The following KMT2C variants were observed in gnomAD, a reference collection of about 807,000 sequenced individuals.
The protein encoded by KMT2C is histone-lysine N-methyltransferase 2C.
KMT2C carries 88 observed loss-of-function variants against 507.9 expected under a neutral mutation model. The observed-to-expected ratio is 0.17, with a 90% CI of 0.15 to 0.21. The LOEUF (loss-of-function observed/expected upper bound fraction) is 0.21. Ranked by LOEUF, KMT2C falls within the 10% of genes least tolerant of loss-of-function variation. The probability of loss-of-function intolerance (pLI) is 1.00; values close to 1 mark genes in which losing one functional copy is unlikely to be tolerated. For missense variants in KMT2C, 4,954 were observed against 5,957.8 expected (o/e 0.83, Z 5.55); for synonymous variants, 2,049 against 2,080.8 (o/e 0.98, Z 0.42).
intron 24 of KMT2C, among the ~76,000 whole-genome samples, chr7:152,206,033 A>C (rs1235519787): frequency 6.6e-6 from 1 of 152,226 alleles, no homozygotes; most frequent in Non-Finnish European, 1.5e-5. Context: ...ATCTGGAGTC[A>C]GACTATGTAA....
At chr7:152,303,697 G>A (rs927829935) in intron 6 of KMT2C, among the ~76,000 whole-genome samples, 1 of 152,136 alleles carries the variant, frequency 6.6e-6, no homozygotes, top group Non-Finnish European at 1.5e-5. Flanking sequence ...ACATAAAGGA[G>A]ATATGCATGG....
At position 152,163,618 on chromosome 7, in the gene KMT2C, A is replaced by G. The variant is rs747442211; in HGVS notation, c.9959T>C (p.Ile3320Thr). The G allele has an allele frequency of 3.1e-6, 5 of 1,608,614 alleles. No homozygotes were observed. Among genetic ancestry groups the G allele is most frequent in the Non-Finnish European group, 4.2e-6 (5 of 1,176,758 alleles). ...TCTAACAGGGCTAGTATGGCCAGAAATAACTGTTGTGTGCTGCTGGTGCTG... is the reference window on the plus strand; with the variant it reads ...TCTAACAGGGCTAGTATGGCCAGAAGTAACTGTTGTGTGCTGCTGGTGCTG... ...QLQHQQHTTV[I>T]SGHTSPVRMP... Residue 3320 changes from isoleucine to threonine, a missense_variant, in exon 43 of 59, where the codon ATT (isoleucine) becomes ACT (threonine). This residue lies in a region of KMT2C where 801 missense variants were observed against 751.2 expected (regional missense o/e 1.07). Transcript: ENST00000262189.
chr7:152,187,133 G>A (rs1036964768), intron 33 of KMT2C, 129 bp downstream of exon 33: 2 of 683,928 alleles, frequency 2.9e-6, no homozygotes, highest in Middle Eastern at 4.0e-4. Context: ...GACATCTAGG[G>A]AATCTTCATG....
At chr7:152,339,446 C>G (rs1240258913) in intron 2 of KMT2C, among the ~76,000 whole-genome samples, 1 of 152,098 alleles carries the variant, frequency 6.6e-6, no homozygotes, top group Admixed American at 6.5e-5. Flanking sequence ...TTCAAAATTA[C>G]AGTAGTTATT....
rs1253990066 is a variant in KMT2C at position 152,176,672 on chromosome 7, A to G, written c.8781T>C (p.Ser2927=). 3 of 1,614,230 alleles carry G rather than the reference A, an allele frequency of 1.9e-6. No homozygotes were observed. The highest frequency in any genetic ancestry group is 2.5e-6 in the Non-Finnish European group (3 of 1,180,048). ...VLSSLLANEK[S]DNSDIRPSGS... Reference sequence around the variant, plus strand: ...CCGATGGCCTAATGTCTGAATTATCAGATTTCTCATTAGCAAGTAAACTTG... The same window carrying G: ...CCGATGGCCTAATGTCTGAATTATCGGATTTCTCATTAGCAAGTAAACTTG... Residue 2927 remains serine (S), a synonymous_variant, in exon 38 of 59, where the codon TCT becomes TCC. Coordinates refer to ENST00000262189, the MANE Select transcript of KMT2C (RefSeq NM_170606.3).
chr7:152,273,977 T>A, intron 6 of KMT2C, 110 bp from the exon 7 acceptor site: 2 of 996,060 alleles, frequency 2.0e-6, no homozygotes, highest in Non-Finnish European at 2.7e-6. Flanking sequence ...TAAAACAAAT[T>A]GAACCTGCAA....
At chr7:152,265,530 T>C (rs2095847177) in intron 7 of KMT2C, among the ~76,000 whole-genome samples, 1 of 152,186 alleles carries the variant, frequency 6.6e-6, no homozygotes, top group South Asian at 2.1e-4. Flanking sequence ...ATGCTCAATA[T>C]ATGCTTACTG....
intron 1 of KMT2C, among the ~76,000 whole-genome samples, chr7:152,409,812 T>A (rs2097662829): frequency 6.7e-6 from 1 of 148,178 alleles, no homozygotes. Context: ...GGTTTTTTTT[T>A]AAATCATCAT....
Position 152,364,629 on chromosome 7 carries a change from A to G in KMT2C, c.162-5954T>C, listed in dbSNP as rs1268244785. ...GTCTCCAAAAAAAAAAAGAAAAGAAAAAAAGAAAAAAATGCAAATTTCACA... is the reference window on the plus strand; with the variant it reads ...GTCTCCAAAAAAAAAAAGAAAAGAAGAAAAGAAAAAAATGCAAATTTCACA... On this transcript the variant is annotated intron_variant, in intron 1 of 58. Coordinates refer to ENST00000262189, the MANE Select transcript of KMT2C (RefSeq NM_170606.3). Among the ~76,000 whole-genome samples the G allele has an allele frequency of 3.8e-4, 56 of 147,764 alleles. 1 individual carries two copies. Among genetic ancestry groups the G allele is most frequent in the African/African-American group, 1.4e-3 (55 of 38,504 alleles).
At chr7:152,315,813 T>C (rs750156784) in intron 3 of KMT2C, among the ~76,000 whole-genome samples, 7 of 152,030 alleles carry the variant, frequency 4.6e-5, no homozygotes, top group Non-Finnish European at 7.4e-5. Context: ...GCTACTCGGG[T>C]GGCTGAGGCA....
chr7:152,199,614 T>G (rs954141994), intron 26 of KMT2C, among the ~76,000 whole-genome samples, 155 bp from the exon 27 acceptor site: 1 of 152,174 alleles, frequency 6.6e-6, no homozygotes, highest in Non-Finnish European at 1.5e-5. Context: ...AAAATAGAAA[T>G]ATCCTGTCAA....
At chr7:152,298,474 G>C (rs1412391200) in intron 6 of KMT2C, among the ~76,000 whole-genome samples, 1 of 152,170 alleles carries the variant, frequency 6.6e-6, no homozygotes, top group Admixed American at 6.5e-5. Context: ...AACAATGCAA[G>C]TGAGAAGACA....
At chr7:152,172,619 C>T (rs1025460031) in intron 39 of KMT2C, among the ~76,000 whole-genome samples, 1 of 152,174 alleles carries the variant, frequency 6.6e-6, no homozygotes, top group East Asian at 1.9e-4. Flanking sequence ...TCGCTTGAAC[C>T]TTGGAGGTGA....
At chr7:152,307,680 C>G (rs1289945683) in intron 6 of KMT2C, among the ~76,000 whole-genome samples, 1 of 152,156 alleles carries the variant, frequency 6.6e-6, no homozygotes, top group Admixed American at 6.5e-5. Flanking sequence ...GTCTTCATCT[C>G]TAAATACCAT....
intron 44 of KMT2C, among the ~76,000 whole-genome samples, chr7:152,156,748 C>T (rs1341688124): frequency 6.6e-6 from 1 of 152,104 alleles, no homozygotes; most frequent in Admixed American, 6.6e-5. Flanking sequence ...TGCCCTAGTT[C>T]TATGAAAAAC....
intron 3 of KMT2C, among the ~76,000 whole-genome samples, chr7:152,325,292 G>A (rs369758509): frequency 6.6e-6 from 1 of 151,564 alleles, no homozygotes; most frequent in Non-Finnish European, 1.5e-5. Flanking sequence ...GGGACTACAG[G>A]TGCCCACCAC....
At chr7:152,185,090 T>C (rs140196666) in intron 34 of KMT2C, among the ~76,000 whole-genome samples, 3 of 152,328 alleles carry the variant, frequency 2.0e-5, no homozygotes, top group Non-Finnish European at 2.9e-5. Context: ...TTTAGATTAC[T>C]TGTAATACTT....
chr7:152,399,046 C>G (rs1320290165), intron 1 of KMT2C, among the ~76,000 whole-genome samples: 1 of 152,028 alleles, frequency 6.6e-6, no homozygotes. Flanking sequence ...CCAGGCTGGT[C>G]TCCAACTCCT....
intron 44 of KMT2C, among the ~76,000 whole-genome samples, chr7:152,157,325 C>T (rs964715545): frequency 1.5e-5 from 2 of 136,714 alleles, no homozygotes; most frequent in African/African-American, 5.4e-5. Context: ...GAGACCCTGT[C>T]TCAAAAAAAA....
Sources: allele counts gnomAD v4.1 joint callset (sites outside exome capture counted in the v4.1 genomes callset), GRCh38; gene constraint gnomAD v4.1.1; regional missense constraint gnomAD v4.1.1; transcripts MANE v1.5; gene names NCBI Gene and HGNC (gene_info 2026-07-23, HGNC 2026-07-21).